CCDC148: variants seen among roughly 807,000 people sequenced by gnomAD.
CCDC148 encodes the protein coiled-coil domain-containing protein 148.
A neutral mutation model predicts 85.7 loss-of-function variants in CCDC148; 89 were observed. That is an observed-to-expected ratio of 1.04 (90% confidence interval 0.87 to 1.24). The LOEUF is 1.24. CCDC148 is among the 50% of genes most tolerant of loss of function. The pLI is 0.00. For missense variants in CCDC148, 692 were observed against 671.7 expected, an observed-to-expected ratio of 1.03 and a Z score of -0.33; for synonymous variants, 230 against 213.9, an observed-to-expected ratio of 1.08 and a Z score of -0.66.
At chr2:158,341,342 G>T (rs968939474) in intron 3 of CCDC148, among the ~76,000 whole-genome samples, 23 of 142,194 alleles carry the variant, frequency 1.6e-4, no homozygotes, top group African/African-American at 5.8e-4. Flanking sequence ...AGTCTCGCTT[G>T]ATCGCCCAGG....
chr2:158,204,181 A>C (rs1297046587), intron 11 of CCDC148, among the ~76,000 whole-genome samples: 3 of 152,226 alleles, frequency 2.0e-5, no homozygotes, highest in Non-Finnish European at 4.4e-5. Flanking sequence ...CGTAGAATTT[A>C]CTGGAGTTTA....
At chr2:158,444,785 G>GAAAAAAAAAAAAAA (rs11433320) in intron 1 of CCDC148, among the ~76,000 whole-genome samples, 1 of 66,662 alleles carries the variant, frequency 1.5e-5, no homozygotes, top group Non-Finnish European at 2.5e-5. Context: ...ACCCTGTCTT[G>GAAAAAAAAAAAAAA]AAAAAAAAAA....
chr2:158,311,912 A>T (rs1367408021), intron 8 of CCDC148, among the ~76,000 whole-genome samples: 3 of 152,154 alleles, frequency 2.0e-5, no homozygotes, highest in African/African-American at 7.2e-5. Flanking sequence ...AGCAGTCTTG[A>T]GGGAAGAACA....
At chr2:158,256,630 C>A (rs1226231816) in intron 9 of CCDC148, among the ~76,000 whole-genome samples, 1 of 151,570 alleles carries the variant, frequency 6.6e-6, no homozygotes, top group African/African-American at 2.4e-5. Context: ...TGAAAAATTG[C>A]CATTTATGAG....
chr2:158,386,581 T>C (rs1472984117), intron 1 of CCDC148, among the ~76,000 whole-genome samples: 1 of 152,170 alleles, frequency 6.6e-6, no homozygotes, highest in Non-Finnish European at 1.5e-5. Flanking sequence ...GAATAATTTT[T>C]TTCCCATCAT....
chr2:158,350,707 ACTTGTC>A (rs1683219249), intron 2 of CCDC148, among the ~76,000 whole-genome samples: 1 of 152,142 alleles, frequency 6.6e-6, no homozygotes, highest in African/African-American at 2.4e-5. Context: ...TCTTTGGAGT[ACTTGTC>A]ACTCCTGTTT....
chr2:158,262,946 G>A (rs1323211316), intron 9 of CCDC148, among the ~76,000 whole-genome samples: 1 of 151,852 alleles, frequency 6.6e-6, no homozygotes, highest in Non-Finnish European at 1.5e-5. Flanking sequence ...TAAACCACAG[G>A]GCCAGATGAG....
At chr2:158,178,750 C>T in intron 12 of CCDC148, 129 bp downstream of exon 12, 1 of 642,372 alleles carries the variant, frequency 1.6e-6, no homozygotes, top group Non-Finnish European at 2.7e-6. Context: ...CAGCAGTATC[C>T]CCATTTGGAA....
intron 9 of CCDC148, among the ~76,000 whole-genome samples, chr2:158,257,437 G>C (rs1461261211): frequency 6.6e-6 from 1 of 151,690 alleles, no homozygotes; most frequent in Non-Finnish European, 1.5e-5. Context: ...ATGTACCACT[G>C]TTTTTCAATA....
chr2:158,378,540 T>C (rs1244277738), intron 1 of CCDC148, among the ~76,000 whole-genome samples: 1 of 152,098 alleles, frequency 6.6e-6, no homozygotes, highest in Non-Finnish European at 1.5e-5. Context: ...GAAACAACCT[T>C]ATGCTGAAAG....
chr2:158,278,328 C>T (rs1042188315), intron 9 of CCDC148, among the ~76,000 whole-genome samples: 1 of 152,100 alleles, frequency 6.6e-6, no homozygotes, highest in African/African-American at 2.4e-5. Flanking sequence ...TGAGACATTG[C>T]CTCACTCGGG....
intron 9 of CCDC148, among the ~76,000 whole-genome samples, chr2:158,304,435 C>T (rs1256036403): frequency 6.6e-6 from 1 of 152,110 alleles, no homozygotes; most frequent in Non-Finnish European, 1.5e-5. Context: ...CTTTGACTAG[C>T]CATTTCTTTT....
At chr2:158,408,078 G>T (rs1686101408) in intron 1 of CCDC148, among the ~76,000 whole-genome samples, 1 of 152,046 alleles carries the variant, frequency 6.6e-6, no homozygotes, top group South Asian at 2.1e-4. Flanking sequence ...AAGAAAATGT[G>T]AAAGTATTTT....
At chr2:158,294,236 C>T (rs529861917) in intron 9 of CCDC148, among the ~76,000 whole-genome samples, 14 of 152,190 alleles carry the variant, frequency 9.2e-5, no homozygotes, top group Non-Finnish European at 1.8e-4. Context: ...GAGATGTGTA[C>T]ATGCTGTTGC....
intron 1 of CCDC148, among the ~76,000 whole-genome samples, chr2:158,433,885 A>T (rs1329377587): frequency 6.6e-6 from 1 of 152,230 alleles, no homozygotes; most frequent in Non-Finnish European, 1.5e-5. Flanking sequence ...CTAGCACAGC[A>T]ATCTGAGATC....
chr2:158,225,412 C>T (rs1261874322), intron 10 of CCDC148, among the ~76,000 whole-genome samples: 1 of 152,090 alleles, frequency 6.6e-6, no homozygotes, highest in Non-Finnish European at 1.5e-5. Flanking sequence ...AGAAAGTTAA[C>T]AAGGATATCC....
At chr2:158,425,075 T>C (rs1687013291) in intron 1 of CCDC148, 1 of 460,864 alleles carries the variant, frequency 2.2e-6, no homozygotes, top group Non-Finnish European at 4.4e-6. Flanking sequence ...GGTCAAGGCA[T>C]AATTGGAATC....
intron 11 of CCDC148, among the ~76,000 whole-genome samples, chr2:158,207,854 G>A (rs764396557): frequency 2.0e-5 from 3 of 152,046 alleles, no homozygotes; most frequent in Non-Finnish European, 2.9e-5. Context: ...ATGGGCATAC[G>A]TAATTCACAG....
At chr2:158,277,230 G>A (rs1215869586) in intron 9 of CCDC148, among the ~76,000 whole-genome samples, 1 of 152,158 alleles carries the variant, frequency 6.6e-6, no homozygotes, top group Admixed American at 6.5e-5. Flanking sequence ...GATAACATTT[G>A]CATAAAGTTG....
Sources: gnomAD v4.1 joint callset for allele counts (sites outside exome capture counted in the v4.1 genomes callset) on GRCh38, gnomAD v4.1.1 for gene constraint, MANE v1.5 for transcripts, NCBI Gene and HGNC (gene_info 2026-07-23, HGNC 2026-07-21) for gene names.